The following SMYD3 variants were observed in gnomAD, a reference collection of about 807,000 sequenced individuals.
The protein encoded by SMYD3 is histone-lysine N-methyltransferase SMYD3.
In SMYD3, 36 loss-of-function variants were observed where a neutral mutation model predicts 57.7. The ratio of observed to expected loss-of-function variants is 0.62; its 90% CI spans 0.48 to 0.82. The LOEUF (loss-of-function observed/expected upper bound fraction) is 0.82, where lower values mean the gene tolerates loss of function less well. Among genes scored for constraint, SMYD3 ranks in the 40% least tolerant of loss-of-function variants. SMYD3 has a pLI of 0.00. For synonymous variants in SMYD3, 211 were observed against 195.0 expected, an observed-to-expected ratio of 1.08 and a Z score of -0.68; for missense variants, 515 against 538.8, an observed-to-expected ratio of 0.96 and a Z score of 0.44.
chr1:246,299,382 A>T (rs1276738813), intron 5 of SMYD3, among the ~76,000 whole-genome samples: 1 of 152,162 alleles, frequency 6.6e-6, no homozygotes, highest in Admixed American at 6.6e-5. Context: ...GAACGCTTAC[A>T]AACTGTTGGT....
At chr1:245,867,566 G>C (rs1213832461) in intron 8 of SMYD3, among the ~76,000 whole-genome samples, 2 of 152,136 alleles carry the variant, frequency 1.3e-5, no homozygotes, top group Admixed American at 1.3e-4. Flanking sequence ...AGTAGGGATA[G>C]AGCAGTAAAT....
chr1:246,397,581 G>C (rs574261573), intron 1 of SMYD3, among the ~76,000 whole-genome samples: 1 of 152,262 alleles, frequency 6.6e-6, no homozygotes, highest in South Asian at 2.1e-4. Flanking sequence ...TGGTCTAGTA[G>C]GAAAAATATA....
chr1:245,878,758 T>C (rs2052621436), intron 8 of SMYD3, among the ~76,000 whole-genome samples: 1 of 152,192 alleles, frequency 6.6e-6, no homozygotes, highest in Non-Finnish European at 1.5e-5. Context: ...ACAGCCCCAT[T>C]GCATTACAGG....
intron 5 of SMYD3, among the ~76,000 whole-genome samples, chr1:246,286,197 T>C (rs977229647): frequency 1.3e-5 from 2 of 152,212 alleles, no homozygotes; most frequent in African/African-American, 4.8e-5. Context: ...GATTCTAAAG[T>C]AAAACCTCCA....
intron 10 of SMYD3, among the ~76,000 whole-genome samples, chr1:245,839,201 G>A (rs1408231237): frequency 4.0e-5 from 6 of 151,748 alleles, no homozygotes; most frequent in African/African-American, 1.2e-4. Flanking sequence ...AGACATTCTC[G>A]CTCTTTCGCC....
chr1:246,355,044 C>T lies in SMYD3; in HGVS notation c.215G>A (p.Ser72Asn), dbSNP rs748856811. The T allele has an allele frequency of 1.5e-5, 24 of 1,614,054 alleles. No homozygotes were observed. The highest frequency in any genetic ancestry group is 6.8e-6 in the Non-Finnish European group (8 of 1,180,028). Residue 72 changes from serine to asparagine, a missense_variant, in exon 2 of 12, where the codon AGT becomes AAT. Ser to Asn is a conservative substitution (Grantham distance 46, BLOSUM62 1). Coordinates refer to ENST00000490107, the MANE Select transcript of SMYD3 (RefSeq NM_001167740.2). This position sits in a 1 kb window ranked among gnomAD's most constrained non-coding sequence, Gnocchi z 5.0. ...CSQCRVAKYCSAKCQKKAWPD... is the reference protein window; with the variant it reads ...CSQCRVAKYCNAKCQKKAWPD... Reference sequence around the variant, plus strand: ...GAAAAGTCTTACCTGACACTTAGCACTACAGTATTTGGCGACGCGGCACTG... The same window carrying T: ...GAAAAGTCTTACCTGACACTTAGCATTACAGTATTTGGCGACGCGGCACTG...
chr1:246,141,443 G>A (rs550390117), intron 5 of SMYD3, among the ~76,000 whole-genome samples: 35 of 149,776 alleles, frequency 2.3e-4, no homozygotes, highest in Non-Finnish European at 3.9e-4. Context: ...GATATTCAAA[G>A]GAATTTTAAT....
intron 8 of SMYD3, among the ~76,000 whole-genome samples, chr1:245,883,429 C>A (rs916847133): frequency 1.3e-5 from 2 of 152,182 alleles, no homozygotes; most frequent in African/African-American, 4.8e-5. Flanking sequence ...CTATTTTCCA[C>A]TTATTTTGGG....
intron 5 of SMYD3, among the ~76,000 whole-genome samples, chr1:245,969,952 G>A (rs2058253584): frequency 6.6e-6 from 1 of 151,788 alleles, no homozygotes; most frequent in South Asian, 2.1e-4. Context: ...CAGAGAAATA[G>A]AAAGAACTAC....
intron 1 of SMYD3, among the ~76,000 whole-genome samples, chr1:246,501,547 G>T (rs563645012): frequency 6.6e-6 from 1 of 152,154 alleles, no homozygotes; most frequent in Non-Finnish European, 1.5e-5. Flanking sequence ...GACCACATGA[G>T]GACCTCTAAT....
intron 5 of SMYD3, among the ~76,000 whole-genome samples, chr1:246,239,653 G>A (rs190341181): frequency 2.6e-5 from 4 of 152,286 alleles, no homozygotes; most frequent in Admixed American, 2.6e-4. Context: ...CTAGATCCTT[G>A]AGGAATAGTC....
chr1:246,383,976 A>G (rs1403694939), intron 1 of SMYD3, among the ~76,000 whole-genome samples: 1 of 152,204 alleles, frequency 6.6e-6, no homozygotes, highest in East Asian at 1.9e-4. Flanking sequence ...AAATAAAATT[A>G]AAAGATCTGG....
chr1:246,341,526 G>T (rs188107587), intron 2 of SMYD3, among the ~76,000 whole-genome samples: 1 of 151,912 alleles, frequency 6.6e-6, no homozygotes, highest in Non-Finnish European at 1.5e-5. Context: ...TACCATTCAG[G>T]GGGTAAAATT....
chr1:246,053,227 C>T (rs1428262308), intron 5 of SMYD3, among the ~76,000 whole-genome samples: 1 of 151,916 alleles, frequency 6.6e-6, no homozygotes, highest in African/African-American at 2.4e-5. Context: ...AGGGACATAC[C>T]ATGTTCACGA....
At chr1:246,337,351 CT>C (rs2065558791) in intron 2 of SMYD3, among the ~76,000 whole-genome samples, 1 of 152,076 alleles carries the variant, frequency 6.6e-6, no homozygotes, top group Non-Finnish European at 1.5e-5. Flanking sequence ...TATTGTCACC[CT>C]TTAGAGAGTT....
intron 4 of SMYD3, among the ~76,000 whole-genome samples, chr1:246,330,016 G>A (rs1344814015): frequency 6.6e-6 from 1 of 152,082 alleles, no homozygotes; most frequent in Non-Finnish European, 1.5e-5. Flanking sequence ...GGTAGTTTCA[G>A]AGAAGAATGA....
At chr1:246,278,941 T>A (rs2148565756) in intron 5 of SMYD3, among the ~76,000 whole-genome samples, 1 of 152,318 alleles carries the variant, frequency 6.6e-6, no homozygotes, top group Admixed American at 6.5e-5. Context: ...CTGACTGTTG[T>A]CAGGATCATG....
At chr1:245,795,097 A>G (rs2047465349) in intron 10 of SMYD3, among the ~76,000 whole-genome samples, 1 of 152,052 alleles carries the variant, frequency 6.6e-6, no homozygotes, top group Non-Finnish European at 1.5e-5. Context: ...CTCCATTTGC[A>G]TCCTACCCCC....
intron 11 of SMYD3, among the ~76,000 whole-genome samples, chr1:245,760,876 A>G (rs1421771303): frequency 6.6e-6 from 1 of 152,210 alleles, no homozygotes. Context: ...CCCATCTTTA[A>G]TAGTTTCAGA....
Sources: allele counts gnomAD v4.1 joint callset (sites outside exome capture counted in the v4.1 genomes callset), GRCh38; gene constraint gnomAD v4.1.1; non-coding constraint Gnocchi (gnomAD v3.1); transcripts MANE v1.5; gene names NCBI Gene and HGNC (gene_info 2026-07-23, HGNC 2026-07-21).